TAFA2: variants seen among roughly 807,000 people sequenced by gnomAD.
The protein encoded by TAFA2 is TAFA chemokine like family member 2.
Under a neutral mutation model 18.8 loss-of-function variants are expected in TAFA2, and 7 were observed. The ratio of observed to expected loss-of-function variants is 0.37; its 90% CI spans 0.21 to 0.70. TAFA2 has a LOEUF of 0.70. Ranked by LOEUF, TAFA2 falls within the 30% of genes least tolerant of loss-of-function variation. The pLI, the probability that TAFA2 is intolerant of heterozygous loss-of-function variation, is 0.53. For synonymous variants in TAFA2, 60 were observed against 54.2 expected, an observed-to-expected ratio of 1.11 and a Z score of -0.47; for missense variants, 122 against 158.1, an observed-to-expected ratio of 0.77 and a Z score of 1.23.
intron 2 of TAFA2, among the ~76,000 whole-genome samples, chr12:61,826,406 A>T (rs981243355): frequency 6.6e-6 from 1 of 151,746 alleles, no homozygotes; most frequent in Non-Finnish European, 1.5e-5. Context: ...ATTGATGTAA[A>T]ATAGCTGGCA....
At chr12:61,765,979 C>T (rs546166152) in intron 2 of TAFA2, among the ~76,000 whole-genome samples, 4 of 152,054 alleles carry the variant, frequency 2.6e-5, no homozygotes, top group Non-Finnish European at 5.9e-5. Flanking sequence ...TCCTCCACCC[C>T]TCATTTCTTT....
chr12:62,046,715 A>G (rs1042111060), intron 1 of TAFA2, among the ~76,000 whole-genome samples: 2 of 151,964 alleles, frequency 1.3e-5, no homozygotes, highest in Non-Finnish European at 2.9e-5. Flanking sequence ...CAGCAAACAC[A>G]TTGTTCAGCG....
At chr12:61,737,199 C>T (rs937793382) in intron 4 of TAFA2, among the ~76,000 whole-genome samples, 5 of 151,728 alleles carry the variant, frequency 3.3e-5, no homozygotes, top group African/African-American at 1.2e-4. Context: ...TTTTATATTA[C>T]CTAGTGTGCT....
rs1405249554 is a variant in TAFA2, at chr12:61,714,327, T to G, written c.385-3910A>C. ...TTTGTGTGTGCTGCACACCAGCCAGTTTGGTAAGTGAAACTACTGGGCTGC... is the reference window on the plus strand; with the variant it reads ...TTTGTGTGTGCTGCACACCAGCCAGGTTGGTAAGTGAAACTACTGGGCTGC... On this transcript the variant is annotated intron_variant, in intron 4 of 4. Coordinates refer to ENST00000416284, the MANE Select transcript of TAFA2 (RefSeq NM_178539.5). Among the ~76,000 whole-genome samples, 9 of 152,306 alleles carry G rather than the reference T, an allele frequency of 5.9e-5. No homozygotes were observed. The South Asian group carries it at 1.9e-3, about 32-fold the overall frequency.
intron 1 of TAFA2, among the ~76,000 whole-genome samples, chr12:61,955,470 C>T (rs1286867116): frequency 6.7e-6 from 1 of 149,728 alleles, no homozygotes; most frequent in Non-Finnish European, 1.5e-5. Flanking sequence ...GGCATGATGG[C>T]GTGCACCTGT....
At chr12:61,777,527 T>C (rs973490490) in intron 2 of TAFA2, among the ~76,000 whole-genome samples, 8 of 151,844 alleles carry the variant, frequency 5.3e-5, no homozygotes, top group Non-Finnish European at 1.0e-4. Flanking sequence ...AGTTAACTTA[T>C]GGATCTAGTC....
chr12:61,956,547 C>G (rs1348290538), intron 1 of TAFA2, among the ~76,000 whole-genome samples: 1 of 148,870 alleles, frequency 6.7e-6, no homozygotes, highest in East Asian at 2.0e-4. Context: ...TTTTAAAAAT[C>G]TGAAGTTTTG....
intron 1 of TAFA2, among the ~76,000 whole-genome samples, chr12:62,120,164 G>T (rs1054121681): frequency 6.6e-6 from 1 of 151,906 alleles, no homozygotes; most frequent in African/African-American, 2.4e-5. Flanking sequence ...GCTAGATACT[G>T]TAAAGAACAA....
At position 61,940,273 on chromosome 12, in the gene TAFA2, T is replaced by C. The variant is rs185408416; in HGVS notation, c.-1-72847A>G. 3.3e-5 allele frequency among the ~76,000 whole-genome samples: 5 copies of C among 152,334 alleles called. No homozygotes were observed. The East Asian group carries it at 9.6e-4, about 29-fold the overall frequency. ...TTGGTTTAATGCCCTGCTATTGCCA[T>C]CTTGAAATTCTTAATAGTTTGTGAA... On this transcript the variant is annotated intron_variant, in intron 1 of 4. Coordinates refer to ENST00000416284, the MANE Select transcript of TAFA2 (RefSeq NM_178539.5).
intron 1 of TAFA2, among the ~76,000 whole-genome samples, chr12:61,940,029 G>A (rs1877933319): frequency 6.6e-6 from 1 of 152,146 alleles, no homozygotes. Context: ...CCAATAGCCT[G>A]GTACTTAGCA....
intron 1 of TAFA2, among the ~76,000 whole-genome samples, chr12:62,188,847 T>A (rs750637627): frequency 7.2e-5 from 11 of 152,190 alleles, no homozygotes; most frequent in Non-Finnish European, 1.2e-4. Context: ...TACAGCCATG[T>A]CATCACATTT....
At chr12:62,238,801 A>G (rs2062849274) in intron 1 of TAFA2, among the ~76,000 whole-genome samples, 1 of 152,254 alleles carries the variant, frequency 6.6e-6, no homozygotes, top group Non-Finnish European at 1.5e-5. Context: ...AGTTATCAGC[A>G]GAACTACAGT....
At chr12:61,923,009 T>C (rs1380462008) in intron 1 of TAFA2, among the ~76,000 whole-genome samples, 1 of 152,168 alleles carries the variant, frequency 6.6e-6, no homozygotes, top group Non-Finnish European at 1.5e-5. Context: ...AAACCCACCA[T>C]GCAGCAAAGC....
At chr12:61,799,140 C>G (rs536230299) in intron 2 of TAFA2, among the ~76,000 whole-genome samples, 1 of 152,262 alleles carries the variant, frequency 6.6e-6, no homozygotes, top group African/African-American at 2.4e-5. Context: ...TACTTTTAAA[C>G]TCATAGAACA....
chr12:62,208,462 A>C (rs979033365), intron 1 of TAFA2, among the ~76,000 whole-genome samples: 3 of 139,054 alleles, frequency 2.2e-5, no homozygotes, highest in Non-Finnish European at 4.7e-5. Context: ...AACTATTTAC[A>C]GACACCACTT....
In TAFA2 at chr12:61,753,728, T is replaced by C. The variant is rs1192059010; in HGVS notation, c.278A>G (p.Lys93Arg). 6.2e-7 allele frequency: 1 copy of C among 1,611,740 alleles called. No individual in the cohort carries two copies. The highest frequency in any genetic ancestry group is 1.1e-5 in the South Asian group (1 of 90,840). The change falls in exon 4 of 5, where the codon AAA becomes AGA. Residue 93 changes from lysine (K) to arginine (R), a missense_variant. This residue lies in a region of TAFA2 where 60 missense variants were observed against 102.7 expected (regional missense o/e 0.58). Coordinates refer to ENST00000416284, the MANE Select transcript of TAFA2 (RefSeq NM_178539.5). ...SCVDASIVEQ[K>R]WWCHMQPCLE... is the part of the protein sequence containing the mutation. Reference sequence around the variant, plus strand: ...ACATGGCTGCATATGGCACCACCATTTCTGTTCCACTATTGAAGCTATAAG... The same window carrying C: ...ACATGGCTGCATATGGCACCACCATCTCTGTTCCACTATTGAAGCTATAAG...
intron 1 of TAFA2, chr12:62,070,305 GTGTA>G (rs373339571): frequency 8.5e-5 from 13 of 152,278 alleles, no homozygotes; most frequent in African/African-American, 2.9e-4. Flanking sequence ...GTCTGTGTGT[GTGTA>G]TGTGAGAGAG....
intron 2 of TAFA2, among the ~76,000 whole-genome samples, chr12:61,834,547 C>A (rs1351813664): frequency 6.6e-6 from 1 of 152,026 alleles, no homozygotes; most frequent in East Asian, 1.9e-4. Context: ...TTATAAGTCT[C>A]CATACAGCAG....
chr12:61,722,696 A>G (rs1374776266), intron 4 of TAFA2, among the ~76,000 whole-genome samples: 2 of 152,310 alleles, frequency 1.3e-5, no homozygotes, highest in African/African-American at 4.8e-5. Flanking sequence ...ATATATACCC[A>G]TTGAACACTT....
Sources: gnomAD v4.1 joint callset for allele counts (sites outside exome capture counted in the v4.1 genomes callset) on GRCh38, gnomAD v4.1.1 for gene constraint, gnomAD v4.1.1 regional missense constraint, MANE v1.5 for transcripts, NCBI Gene and HGNC (gene_info 2026-07-23, HGNC 2026-07-21) for gene names.